Variants in ADSS1 observed in about 807,000 individuals in gnomAD.
ADSS1 encodes the protein adenylosuccinate synthetase isozyme 1.
A neutral mutation model predicts 59.1 loss-of-function variants in ADSS1; 57 were observed. The observed-to-expected ratio is 0.97, with a 90% CI of 0.78 to 1.20. The LOEUF is 1.20. ADSS1 is among the 50% of genes most tolerant of loss of function. The pLI, the probability that ADSS1 is intolerant of heterozygous loss-of-function variation, is 0.00. For missense variants in ADSS1, 603 were observed against 610.3 expected (o/e 0.99, Z 0.13); for synonymous variants, 247 against 249.4 (o/e 0.99, Z 0.09).
At chr14:104,746,678 C>T (rs1891572576) in intron 12 of ADSS1, among the ~76,000 whole-genome samples, 1 of 152,160 alleles carries the variant, frequency 6.6e-6, no homozygotes, top group Admixed American at 6.5e-5. Flanking sequence ...GGTGTTTGCA[C>T]CTACAGAGAA....
chr14:104,741,897 C>G lies in ADSS1; in HGVS notation c.843C>G (p.Cys281Trp), dbSNP rs1033687494. The G allele has an allele frequency of 5.6e-5, 91 of 1,613,374 alleles. No individual in the cohort carries two copies. Among genetic ancestry groups the G allele is most frequent in the Non-Finnish European group, 7.3e-5 (86 of 1,180,008 alleles). The change falls in exon 9 of 13, where the codon TGC becomes TGG. Residue 281 changes from cysteine to tryptophan, a missense_variant. Physicochemically the swap from Cys to Trp is radical, Grantham distance 215 (BLOSUM62 -2). Coordinates refer to ENST00000330877, the MANE Select transcript of ADSS1 (RefSeq NM_152328.5). ...TSSNCTVGGV[C>W]TGLGIPPQNI... ...CCAACTGCACCGTGGGCGGTGTGTG[C>G]ACGGGCCTGGGCATCCCCCCGCAGA...
chr14:104,739,436 G>C, intron 4 of ADSS1, 58 bp downstream of exon 4: 1 of 1,555,762 alleles, frequency 6.4e-7, no homozygotes, highest in Admixed American at 1.9e-5. Flanking sequence ...ATTGCCAGCC[G>C]GCCCTGCTCC....
At chr14:104,726,070 C>T (rs964961842) in intron 1 of ADSS1, among the ~76,000 whole-genome samples, 13 of 152,204 alleles carry the variant, frequency 8.5e-5, no homozygotes, top group African/African-American at 2.9e-4. Context: ...TCCCGCACTC[C>T]GGCCACCAGG....
chr14:104,725,079 T>C (rs1345227278), intron 1 of ADSS1, among the ~76,000 whole-genome samples: 11 of 152,008 alleles, frequency 7.2e-5, no homozygotes, highest in Non-Finnish European at 1.6e-4. Context: ...TAGCCAGACA[T>C]GGGAGAGGGA....
rs887975162 is a variant in ADSS1, at chr14:104,729,426, C to G, written c.192+4964C>G. ...ATCTGGGCAGTGTGGAGGTGAGGAG[C>G]AAGGACAAAGCCTGTGTGTGGAGAC... On this transcript the variant is annotated intron_variant, in intron 1 of 12. Coordinates refer to ENST00000330877, the MANE Select transcript of ADSS1 (RefSeq NM_152328.5). Among the ~76,000 whole-genome samples, 4 of 152,254 alleles carry G rather than the reference C, an allele frequency of 2.6e-5. No homozygotes were observed. The South Asian group carries it at 8.3e-4, about 32-fold the overall frequency.
At chr14:104,730,280 G>A in intron 1 of ADSS1, 2 of 1,411,564 alleles carry the variant, frequency 1.4e-6, no homozygotes, top group Admixed American at 2.8e-5. Flanking sequence ...GATCACTTAG[G>A]GTCAGGAGTT....
intron 10 of ADSS1, among the ~76,000 whole-genome samples, chr14:104,743,799 C>T (rs915329474): frequency 2.0e-5 from 3 of 152,246 alleles, no homozygotes; most frequent in Non-Finnish European, 2.9e-5. Flanking sequence ...AATCCGGCAA[C>T]GGGAAGCAGA....
At position 104,736,881 on chromosome 14, in the gene ADSS1, GATATAT is replaced by G. The variant is rs57122419; in HGVS notation, c.296-1468_296-1463del. ...CAGGCTTATGCCACCGCACCTAGCT[GATATAT>G]ATATATATATATATATATATATATA... is the stretch of plus-strand genomic sequence containing the variant. On this transcript the variant is annotated intron_variant, in intron 2 of 12. Coordinates refer to ENST00000330877, the MANE Select transcript of ADSS1 (RefSeq NM_152328.5). Among the ~76,000 whole-genome samples, 758 of 106,588 alleles carry G rather than the reference GATATAT, an allele frequency of 7.1e-3. 19 individuals carry two copies. The highest frequency in any genetic ancestry group is 0.022 in the African/African-American group (632 of 28,136). 69.9% of individuals were successfully genotyped at this position (106,588 alleles called of 152,430 possible).
chr14:104,730,257 G>A (rs1890874216), intron 1 of ADSS1: 9 of 1,444,746 alleles, frequency 6.2e-6, no homozygotes, highest in Non-Finnish European at 7.3e-6. Flanking sequence ...ACTTTGGGAG[G>A]CCGAGGCGAG....
chr14:104,733,427 C>T (rs746707190), intron 1 of ADSS1, among the ~76,000 whole-genome samples: 1 of 152,226 alleles, frequency 6.6e-6, no homozygotes, highest in East Asian at 1.9e-4. Flanking sequence ...TCTGCCCCCC[C>T]TCTGTCCCCA....
chr14:104,734,953 G>A lies in ADSS1; in HGVS notation c.193-67G>A, dbSNP rs555324958. 95 of 1,400,326 alleles carry A rather than the reference G, an allele frequency of 6.8e-5. 1 individual carries two copies. The African/African-American group carries it at 1.2e-3, about 17-fold the overall frequency. 86.7% of individuals were successfully genotyped at this position (1,400,326 alleles called of 1,614,324 possible). On this transcript the variant is annotated intron_variant, in intron 1 of 12. Transcript: ENST00000330877. Reference sequence around the variant, plus strand: ...GCAGGGACAGACGAAGCCCCATGTGGGTCAGTCCATGTCCGGGGGGTCCTC... The same window carrying A: ...GCAGGGACAGACGAAGCCCCATGTGAGTCAGTCCATGTCCGGGGGGTCCTC...
At chr14:104,736,153 G>C (rs1267378333) in intron 2 of ADSS1, among the ~76,000 whole-genome samples, 1 of 152,228 alleles carries the variant, frequency 6.6e-6, no homozygotes, top group Non-Finnish European at 1.5e-5. Context: ...CTGGGGTGCA[G>C]ACCCAGTCCC....
intron 1 of ADSS1, among the ~76,000 whole-genome samples, chr14:104,726,797 G>A (rs1487772938): frequency 3.3e-5 from 5 of 152,358 alleles, no homozygotes; most frequent in East Asian, 1.9e-4. Context: ...TGGGCAGAGC[G>A]GGCTGGGCCG....
At chr14:104,738,122 G>A (rs775862774) in intron 2 of ADSS1, 20 of 307,766 alleles carry the variant, frequency 6.5e-5, no homozygotes, top group Non-Finnish European at 9.3e-5. Context: ...TCAGCCTCCC[G>A]AGTAGCTGAG....
rs544610314 is a variant in ADSS1 at position 104,736,157 on chromosome 14, C to T, written c.295+1035C>T. ...AAGACCATCCCCTGGGGTGCAGACC[C>T]AGTCCCTGGCCCTCCCAGCAGTGGG... On this transcript the variant is annotated intron_variant, in intron 2 of 12. Coordinates refer to ENST00000330877, the MANE Select transcript of ADSS1 (RefSeq NM_152328.5). 4.6e-4 allele frequency among the ~76,000 whole-genome samples: 70 copies of T among 152,334 alleles called. No homozygotes were observed. The East Asian group carries it at 0.013, about 29-fold the overall frequency.
intron 8 of ADSS1, 149 bp downstream of exon 8, chr14:104,741,392 C>A: frequency 1.8e-6 from 2 of 1,103,628 alleles, no homozygotes; most frequent in Non-Finnish European, 2.5e-6. Flanking sequence ...AAATGATCCT[C>A]GTGTCCTTAG....
At chr14:104,739,521 C>G in intron 4 of ADSS1, 143 bp downstream of exon 4, 1 of 1,048,216 alleles carries the variant, frequency 9.5e-7, no homozygotes. Context: ...GTACATTACC[C>G]TTTTCAAAGA....
intron 1 of ADSS1, among the ~76,000 whole-genome samples, chr14:104,734,691 C>A (rs1891052222): frequency 6.6e-6 from 1 of 152,184 alleles, no homozygotes; most frequent in Admixed American, 6.5e-5. Context: ...GAGGGTTAGG[C>A]CTCCTCATTC....
At chr14:104,737,976 G>A in intron 2 of ADSS1, 1 of 241,774 alleles carries the variant, frequency 4.1e-6, no homozygotes, top group Non-Finnish European at 8.2e-6. Context: ...CCCATTTCAT[G>A]CTGGGTTGTT....
Sources: allele counts gnomAD v4.1 joint callset (sites outside exome capture counted in the v4.1 genomes callset), GRCh38; gene constraint gnomAD v4.1.1; transcripts MANE v1.5; gene names NCBI Gene and HGNC (gene_info 2026-07-23, HGNC 2026-07-21).